CA10: variants seen among roughly 807,000 people sequenced by gnomAD.
CA10 encodes the protein carbonic anhydrase 10 (inactive).
A neutral mutation model predicts 44.2 loss-of-function variants in CA10; 14 were observed. The ratio of observed to expected loss-of-function variants is 0.32; its 90% CI spans 0.21 to 0.50. CA10 has a LOEUF of 0.50. CA10 is among the 20% of genes least tolerant of loss of function. CA10 has a pLI of 0.99. For synonymous variants in CA10, 159 were observed against 141.6 expected, an observed-to-expected ratio of 1.12 and a Z score of -0.87; for missense variants, 350 against 409.7, an observed-to-expected ratio of 0.85 and a Z score of 1.26.
At chr17:51,687,583 C>T (rs1915049713) in intron 4 of CA10, among the ~76,000 whole-genome samples, 1 of 152,186 alleles carries the variant, frequency 6.6e-6, no homozygotes, top group Non-Finnish European at 1.5e-5. Flanking sequence ...TGGCCATGCT[C>T]TATGGTTTGT....
intron 1 of CA10, among the ~76,000 whole-genome samples, chr17:52,155,156 G>A (rs1989778863): frequency 6.6e-6 from 1 of 152,166 alleles, no homozygotes; most frequent in South Asian, 2.1e-4. Context: ...TCTCAATAAT[G>A]AAGCCAACTC....
At chr17:51,930,413 G>C (rs202186791) in intron 3 of CA10, among the ~76,000 whole-genome samples, 1 of 152,102 alleles carries the variant, frequency 6.6e-6, no homozygotes, top group Non-Finnish European at 1.5e-5. Flanking sequence ...AGAGGAGCTC[G>C]TTATGGGGGG....
chr17:51,692,345 CCTACCTAT>C (rs1915226942), intron 4 of CA10, among the ~76,000 whole-genome samples: 1 of 149,060 alleles, frequency 6.7e-6, no homozygotes, highest in Non-Finnish European at 1.5e-5. Flanking sequence ...TTTCTATCTA[CCTACCTAT>C]CTACCTATCC....
chr17:51,830,211 A>G (rs1634658), intron 3 of CA10, among the ~76,000 whole-genome samples: 33,783 of 131,260 alleles, frequency 0.26, 4,498 homozygotes, highest in East Asian at 0.42. Context: ...AAAAAAAAAA[A>G]AAAAAGAAAA....
intron 3 of CA10, among the ~76,000 whole-genome samples, chr17:51,773,264 G>C (rs977427331): frequency 1.3e-4 from 20 of 152,218 alleles, no homozygotes; most frequent in Admixed American, 7.2e-4. Context: ...CCTGGTTATA[G>C]AGGACTGACT....
intron 1 of CA10, among the ~76,000 whole-genome samples, chr17:52,143,383 T>C (rs1039670831): frequency 9.9e-5 from 15 of 152,200 alleles, no homozygotes; most frequent in African/African-American, 3.4e-4. Context: ...CAAACCAGAA[T>C]ATTAATAATA....
At chr17:51,632,427 A>G (rs1912622689) in intron 8 of CA10, among the ~76,000 whole-genome samples, 1 of 152,190 alleles carries the variant, frequency 6.6e-6, no homozygotes, top group East Asian at 1.9e-4. Context: ...TCTGAGAGAG[A>G]AAAAAGAAGG....
At chr17:52,073,811 A>T (rs1188581327) in intron 1 of CA10, among the ~76,000 whole-genome samples, 1 of 152,176 alleles carries the variant, frequency 6.6e-6, no homozygotes, top group Non-Finnish European at 1.5e-5. Flanking sequence ...GTCACCTCAA[A>T]GCAGAAGCCA....
chr17:51,896,810 T>C (rs1981088213), intron 3 of CA10, among the ~76,000 whole-genome samples: 1 of 151,978 alleles, frequency 6.6e-6, no homozygotes, highest in Non-Finnish European at 1.5e-5. Flanking sequence ...CATTGTGGTT[T>C]TGATTTGCAT....
At chr17:51,909,190 T>C (rs991543064) in intron 3 of CA10, among the ~76,000 whole-genome samples, 11 of 152,156 alleles carry the variant, frequency 7.2e-5, no homozygotes, top group Non-Finnish European at 1.0e-4. Flanking sequence ...GAGATATCTC[T>C]TTCCTAGCCT....
intron 2 of CA10, among the ~76,000 whole-genome samples, chr17:51,991,535 C>G (rs973255311): frequency 6.6e-6 from 1 of 152,108 alleles, no homozygotes; most frequent in Non-Finnish European, 1.5e-5. Context: ...TTAAGCCAAA[C>G]GTGGTGGCTC....
chr17:51,825,241 A>G (rs1907963915), intron 3 of CA10, among the ~76,000 whole-genome samples: 1 of 152,232 alleles, frequency 6.6e-6, no homozygotes, highest in Non-Finnish European at 1.5e-5. Flanking sequence ...AAACTGCTGA[A>G]GGTATATTAT....
intron 3 of CA10, chr17:51,762,887 C>T (rs1905253921): frequency 6.6e-6 from 1 of 152,172 alleles, no homozygotes; most frequent in Non-Finnish European, 1.5e-5. Context: ...TTATGCTCTG[C>T]CCTGTGACAC....
intron 3 of CA10, among the ~76,000 whole-genome samples, chr17:51,753,310 T>C (rs1426210764): frequency 2.0e-5 from 3 of 152,218 alleles, no homozygotes; most frequent in East Asian, 1.9e-4. Flanking sequence ...AAAGCAAAAA[T>C]TGTATGCCTG....
chr17:51,731,469 G>A (rs1916716839), intron 4 of CA10, among the ~76,000 whole-genome samples: 1 of 152,074 alleles, frequency 6.6e-6, no homozygotes, highest in Non-Finnish European at 1.5e-5. Context: ...AACTGACAGG[G>A]AGACAAGAGA....
At chr17:51,681,661 G>A (rs1461528439) in intron 4 of CA10, among the ~76,000 whole-genome samples, 1 of 152,178 alleles carries the variant, frequency 6.6e-6, no homozygotes, top group Non-Finnish European at 1.5e-5. Flanking sequence ...TTTAAGGTAA[G>A]AGAAAAATAA....
intron 3 of CA10, among the ~76,000 whole-genome samples, chr17:51,901,425 A>G (rs1981310421): frequency 1.3e-5 from 2 of 152,208 alleles, no homozygotes; most frequent in Middle Eastern, 3.4e-3. Flanking sequence ...CAATACTCCA[A>G]TAGGGGGTGC....
At chr17:51,717,553 A>ATATG (rs1555589575) in intron 4 of CA10, among the ~76,000 whole-genome samples, 8 of 87,794 alleles carry the variant, frequency 9.1e-5, no homozygotes, top group African/African-American at 2.7e-4. Context: ...ATATATATAT[A>ATATG]TATATATAAT....
At chr17:52,052,719 G>A (rs1987112069) in intron 2 of CA10, among the ~76,000 whole-genome samples, 3 of 152,066 alleles carry the variant, frequency 2.0e-5, no homozygotes, top group Non-Finnish European at 4.4e-5. Flanking sequence ...TGGCTCCTTA[G>A]ATAAAGGTTA....
Sources: gnomAD v4.1 joint callset for allele counts (sites outside exome capture counted in the v4.1 genomes callset) on GRCh38, gnomAD v4.1.1 for gene constraint, MANE v1.5 for transcripts, NCBI Gene and HGNC (gene_info 2026-07-23, HGNC 2026-07-21) for gene names.